The following CCDC149 variants were observed in gnomAD, a reference collection of about 807,000 sequenced individuals.
CCDC149 encodes the protein coiled-coil domain containing 149.
In CCDC149, 45 loss-of-function variants were observed where a neutral mutation model predicts 59.9. That is an observed-to-expected ratio of 0.75 (90% CI 0.59 to 0.96). The LOEUF (loss-of-function observed/expected upper bound fraction) is 0.96. Among genes scored for constraint, CCDC149 ranks in the 40% least tolerant of loss-of-function variants. The probability of loss-of-function intolerance (pLI) is 0.00; values close to 1 mark genes in which losing one functional copy is unlikely to be tolerated. For missense variants in CCDC149, 584 were observed against 664.7 expected, an observed-to-expected ratio of 0.88 and a Z score of 1.33; for synonymous variants, 245 against 260.6, an observed-to-expected ratio of 0.94 and a Z score of 0.58.
rs368924823 is a variant in CCDC149, at chr4:24,972,481, C to T, written c.-65+7588G>A. On this transcript the variant is annotated intron_variant, in intron 1 of 12. Coordinates refer to the CCDC149 transcript ENST00000389609. ...CACTACCACGCCCAGATAATTTTTG[C>T]ATTTTTTGTAGAGATGGGGTTTTTC... 5.3e-3 allele frequency among the ~76,000 whole-genome samples: 801 copies of T among 151,868 alleles called. 4 individuals are homozygous for T. The highest frequency in any genetic ancestry group is 0.015 in the South Asian group (72 of 4,804).
intron 1 of CCDC149, among the ~76,000 whole-genome samples, chr4:24,935,063 A>G (rs1037958083): frequency 6.6e-6 from 1 of 152,230 alleles, no homozygotes; most frequent in African/African-American, 2.4e-5. Flanking sequence ...GATAGGTGGG[A>G]TGAGGGAGAC....
At chr4:24,971,166 C>T (rs762460658) in intron 1 of CCDC149, among the ~76,000 whole-genome samples, 9 of 152,316 alleles carry the variant, frequency 5.9e-5, no homozygotes, top group East Asian at 3.9e-4. Context: ...CCCTTACTGA[C>T]GACCCCCTAC....
At chr4:24,832,336 AAGAT>A (rs1374753662) in intron 8 of CCDC149, among the ~76,000 whole-genome samples, 1 of 152,254 alleles carries the variant, frequency 6.6e-6, no homozygotes, top group Non-Finnish European at 1.5e-5. Flanking sequence ...AGGTGGCACA[AAGAT>A]AGGGCAAAAA....
intron 1 of CCDC149, among the ~76,000 whole-genome samples, chr4:24,943,849 A>G (rs1425573368): frequency 6.6e-6 from 1 of 152,230 alleles, no homozygotes; most frequent in Middle Eastern, 3.2e-3. Context: ...AATGCAAATC[A>G]AAACCACAAT....
At chr4:24,943,541 G>A (rs1723010904) in intron 1 of CCDC149, among the ~76,000 whole-genome samples, 1 of 152,150 alleles carries the variant, frequency 6.6e-6, no homozygotes, top group South Asian at 2.1e-4. Flanking sequence ...AAAAGCAATG[G>A]CAACAAAAGC....
chr4:24,883,879 G>A (rs1463342109), intron 1 of CCDC149, among the ~76,000 whole-genome samples: 3 of 152,138 alleles, frequency 2.0e-5, no homozygotes, highest in Non-Finnish European at 2.9e-5. Context: ...CTAGAGACAC[G>A]TAACTAACAA....
chr4:24,852,978 C>A, intron 4 of CCDC149, 94 bp downstream of exon 4: 1 of 806,374 alleles, frequency 1.2e-6, no homozygotes, highest in African/African-American at 1.7e-5. Context: ...AACTTTTCAA[C>A]AAATGCTGCA....
At chr4:24,836,370 T>A (rs769091228) in intron 7 of CCDC149, 66 bp downstream of exon 7, 1 of 1,106,766 alleles carries the variant, frequency 9.0e-7, no homozygotes. Flanking sequence ...TAGAAGGGAA[T>A]TAAAATAGAA....
intron 11 of CCDC149, among the ~76,000 whole-genome samples, chr4:24,820,795 T>G (rs1435952069): frequency 9.2e-5 from 14 of 152,134 alleles, no homozygotes. Context: ...TTTCCTGTCC[T>G]CCCACTTTGT....
rs181652764 is a variant in CCDC149, at chr4:24,863,990, G to A, written c.264+9691C>T. ...GTGCTCTCGCCATTGTTCCATCTGCGAGGGGCACCCTTTCTGCAGAAAGTA... is the reference window on the plus strand; with the variant it reads ...GTGCTCTCGCCATTGTTCCATCTGCAAGGGGCACCCTTTCTGCAGAAAGTA... On this transcript the variant is annotated intron_variant, in intron 3 of 12. Transcript: ENST00000635206. Among the ~76,000 whole-genome samples the A allele has an allele frequency of 1.7e-3, 262 of 152,222 alleles. 1 individual carries two copies. Among genetic ancestry groups the A allele is most frequent in the Admixed American group, 2.7e-3 (42 of 15,302 alleles).
chr4:24,824,196 T>C (rs1715580268), intron 9 of CCDC149, among the ~76,000 whole-genome samples: 1 of 152,204 alleles, frequency 6.6e-6, no homozygotes, highest in Non-Finnish European at 1.5e-5. Context: ...TGTTTCGGGA[T>C]AACACAGCCA....
chr4:24,825,832 T>A (rs1715702284), intron 9 of CCDC149, among the ~76,000 whole-genome samples: 1 of 151,190 alleles, frequency 6.6e-6, no homozygotes, highest in Admixed American at 6.6e-5. Context: ...AAGAGCTAAG[T>A]GGAAGACGAA....
At chr4:24,815,541 T>C (rs1714957424) in intron 12 of CCDC149, among the ~76,000 whole-genome samples, 1 of 152,232 alleles carries the variant, frequency 6.6e-6, no homozygotes, top group African/African-American at 2.4e-5. Flanking sequence ...TGAAATTACT[T>C]CTTCCAGGAC....
At chr4:24,816,946 G>A (rs1212429232) in intron 12 of CCDC149, among the ~76,000 whole-genome samples, 1 of 152,174 alleles carries the variant, frequency 6.6e-6, no homozygotes, top group African/African-American at 2.4e-5. Context: ...AGCGCGCGCT[G>A]CTTTCAGTTG....
chr4:24,944,485 C>T lies in CCDC149; in HGVS notation c.-65+35584G>A, dbSNP rs540821864. Among the ~76,000 whole-genome samples, 225 of 151,490 alleles carry T rather than the reference C, an allele frequency of 1.5e-3. 1 individual carries two copies. The highest frequency in any genetic ancestry group is 5.3e-3 in the African/African-American group (219 of 41,232). ...TAATGGGTGCAGCACACCAACATGGCACATGTATACATATGTAACAAACCT... is the reference window on the plus strand; with the variant it reads ...TAATGGGTGCAGCACACCAACATGGTACATGTATACATATGTAACAAACCT... On this transcript the variant is annotated intron_variant, in intron 1 of 12. Transcript: ENST00000389609.
intron 3 of CCDC149, among the ~76,000 whole-genome samples, chr4:24,867,138 G>A (rs904150540): frequency 6.6e-6 from 1 of 152,192 alleles, no homozygotes; most frequent in African/African-American, 2.4e-5. Flanking sequence ...ATAAGTCACA[G>A]GAAAAATTAA....
rs145780326 is a variant in CCDC149, at chr4:24,939,826, G to A, written c.-65+40243C>T. The stretch of plus-strand genomic sequence containing the variant: ...GAAGATGAAATGAATGAAACGATGC[G>A]TGAAGAGAAGTTTAGAGAAAAAAGA... On this transcript the variant is annotated intron_variant, in intron 1 of 12. Transcript: ENST00000389609. Among the ~76,000 whole-genome samples, 908 of 152,236 alleles carry A rather than the reference G, an allele frequency of 6.0e-3. 5 individuals are homozygous for A. The highest frequency in any genetic ancestry group is 0.021 in the African/African-American group (860 of 41,532).
Position 24,807,613 on chromosome 4 carries a change from C to CA in CCDC149, c.*775dup, listed in dbSNP as rs1416720764. 2.0e-5 allele frequency: 3 copies of CA among 151,918 alleles called. No individual in the cohort carries two copies. The highest frequency in any genetic ancestry group is 1.3e-4 in the Admixed American group (2 of 15,238). The allele number at this position is 151,918 out of a possible 1,614,324, so 9.4% of individuals were successfully genotyped here. On this transcript the variant is annotated 3_prime_UTR_variant, in exon 13 of 13. Transcript: ENST00000635206. ...AGGTGGTAGCTCTCATCTCATCTCA[C>CA]AAAAAAAACCAGACCACCACTGGGA... is the stretch of plus-strand genomic sequence containing the variant.
Position 24,853,157 on chromosome 4 carries a change from C to A in CCDC149, c.287G>T (p.Arg96Ile). ...ATGTTTATTTCGGTCCTGAGAATCT[C>A]TCAATAGTTGTGCAAGATTAGCCTA... The change falls in exon 4 of 13, where the codon AGA becomes ATA. Residue 96 changes from arginine to isoleucine, a missense_variant. Transcript: ENST00000635206. The A allele has an allele frequency of 6.2e-7, 1 of 1,612,450 alleles. No individual in the cohort carries two copies. The highest frequency in any genetic ancestry group is 2.2e-5 in the East Asian group (1 of 44,858).
Sources: gnomAD v4.1 joint callset for allele counts (sites outside exome capture counted in the v4.1 genomes callset) on GRCh38, gnomAD v4.1.1 for gene constraint, MANE v1.5 for transcripts, NCBI Gene and HGNC (gene_info 2026-07-23, HGNC 2026-07-21) for gene names.